The following NCOR2 variants were observed in gnomAD, a reference collection of about 807,000 sequenced individuals.
The protein encoded by NCOR2 is CTG repeat protein 26.
In NCOR2, 81 loss-of-function variants were observed where a neutral mutation model predicts 262.9. That is an observed-to-expected ratio of 0.31 (90% confidence interval 0.26 to 0.37). The LOEUF (loss-of-function observed/expected upper bound fraction) is 0.37, where lower values mean the gene tolerates loss of function less well. Ranked by LOEUF, NCOR2 falls within the 10% of genes least tolerant of loss-of-function variation. The pLI is 1.00. For synonymous variants in NCOR2, 1,659 were observed against 1,559.3 expected (o/e 1.06, Z -1.51); for missense variants, 3,385 against 3,621.4 (o/e 0.93, Z 1.68).
chr12:124,387,975 A>T (rs1162319613), intron 16 of NCOR2, among the ~76,000 whole-genome samples: 2 of 151,616 alleles, frequency 1.3e-5, no homozygotes, highest in African/African-American at 4.8e-5. Context: ...TTCCAAACTC[A>T]GTCAATAAAT....
At chr12:124,542,444 G>A (rs919609158) in intron 1 of NCOR2, 8 of 152,464 alleles carry the variant, frequency 5.2e-5, no homozygotes, top group Non-Finnish European at 8.8e-5. Context: ...AGAGATGGGC[G>A]AGGTGGGCGA....
chr12:124,429,631 A>G (rs2043800610), exon 10 of NCOR2: 4 of 1,607,446 alleles, frequency 2.5e-6, no homozygotes, highest in Non-Finnish European at 3.4e-6. Context: ...CTGAGAGGCC[A>G]TCGATGATCT....
In NCOR2 at chr12:124,443,217, G is replaced by A. The variant is rs374683359; in HGVS notation, c.816-5221C>T. Among the ~76,000 whole-genome samples, 3 of 152,324 alleles carry A rather than the reference G, an allele frequency of 2.0e-5. No individual in the cohort carries two copies. The highest frequency in any genetic ancestry group is 4.1e-4 in the South Asian group (2 of 4,830). On this transcript the variant is annotated intron_variant, in intron 7 of 46. Transcript: ENST00000405201. The surrounding 1 kb of genome is among the most constrained non-coding windows in gnomAD (Gnocchi z 4.4). ...GGTGCTGTCACTGCAGCTGGAAAAC[G>A]ACTCGGTGAGCATGAGGCCTCGGGG...
intron 19 of NCOR2, among the ~76,000 whole-genome samples, chr12:124,373,217 G>A (rs11057604): frequency 0.2 from 14,619 of 72,456 alleles, 1,796 homozygotes; most frequent in Admixed American, 0.32. Context: ...CAGGGGACCC[G>A]GGCACAGTGG....
At chr12:124,441,895 C>T (rs2044831946) in intron 7 of NCOR2, among the ~76,000 whole-genome samples, 1 of 152,218 alleles carries the variant, frequency 6.6e-6, no homozygotes, top group Admixed American at 6.5e-5. Flanking sequence ...GAGGAAACAC[C>T]TGTCAAAGAA....
At chr12:124,338,119 TA>T (rs1270989665) in intron 37 of NCOR2, among the ~76,000 whole-genome samples, 1 of 152,126 alleles carries the variant, frequency 6.6e-6, no homozygotes, top group African/African-American at 2.4e-5. Context: ...AAATAATGAT[TA>T]GGGGAGGTAT....
chr12:124,527,171 G>A (rs1335266971), intron 1 of NCOR2, among the ~76,000 whole-genome samples: 1 of 152,174 alleles, frequency 6.6e-6, no homozygotes, highest in African/African-American at 2.4e-5. Flanking sequence ...TCCCTGAACA[G>A]GCCGTGCTGA....
At chr12:124,520,323 C>T (rs543000698) in intron 1 of NCOR2, among the ~76,000 whole-genome samples, 3 of 152,322 alleles carry the variant, frequency 2.0e-5, no homozygotes, top group South Asian at 4.1e-4. Context: ...CAAGACCAGG[C>T]GGGACCATGA....
exon 40 of NCOR2, chr12:124,335,253 G>A (rs776224523): frequency 1.2e-6 from 2 of 1,606,834 alleles, no homozygotes; most frequent in Non-Finnish European, 1.7e-6. Context: ...TGGGAGGTGG[G>A]CGGCCTCCCC....
chr12:124,365,020 T>C (rs1187213002), intron 20 of NCOR2, among the ~76,000 whole-genome samples: 1 of 147,866 alleles, frequency 6.8e-6, no homozygotes, highest in African/African-American at 2.5e-5. Context: ...TGTTTGGGGG[T>C]ATGGAGGTGG....
chr12:124,491,419 C>T (rs1012161520), intron 1 of NCOR2, among the ~76,000 whole-genome samples: 3 of 151,184 alleles, frequency 2.0e-5, no homozygotes, highest in African/African-American at 7.4e-5. Context: ...GGTAAGGCCA[C>T]TTGCCCCCTG....
chr12:124,457,591 G>A lies in NCOR2; in HGVS notation c.706-429C>T, dbSNP rs886749197. On this transcript the variant is annotated intron_variant, in intron 5 of 46. Coordinates refer to ENST00000405201, the Ensembl canonical transcript of NCOR2. The surrounding 1 kb of genome is among the most constrained non-coding windows in gnomAD (Gnocchi z 4.0). ...GAGCTAGTGCAGCCAGCGAGGGAAG[G>A]AGGAGGAGGAGGAGGAGGGAGGGTG... 1.3e-5 allele frequency among the ~76,000 whole-genome samples: 2 copies of A among 151,636 alleles called. No individual in the cohort carries two copies. The highest frequency in any genetic ancestry group is 6.6e-5 in the Admixed American group (1 of 15,222).
intron 31 of NCOR2, 99 bp from the exon 34 acceptor site, chr12:124,345,050 A>C (rs1020831642): frequency 8.8e-7 from 1 of 1,142,744 alleles, no homozygotes; most frequent in Non-Finnish European, 1.2e-6. Flanking sequence ...CATCTATAAG[A>C]TGGAAGTGAC....
At chr12:124,501,052 GCGCACGCGCGCACACACA>G (rs1404928948) in intron 1 of NCOR2, among the ~76,000 whole-genome samples, 1 of 26,990 alleles carries the variant, frequency 3.7e-5, no homozygotes, top group African/African-American at 8.3e-5. Context: ...ACGAGCGCGC[GCGCACGCGCGCACACACA>G]CACACACACA....
At chr12:124,478,004 A>G (rs1195439293) in intron 3 of NCOR2, among the ~76,000 whole-genome samples, 1 of 151,952 alleles carries the variant, frequency 6.6e-6, no homozygotes, top group Non-Finnish European at 1.5e-5. Flanking sequence ...TACACCCCCT[A>G]CTCCGGCCAC....
chr12:124,473,863 C>G (rs1266768404), intron 3 of NCOR2, among the ~76,000 whole-genome samples: 2 of 152,164 alleles, frequency 1.3e-5, no homozygotes, highest in Non-Finnish European at 2.9e-5. Context: ...ATCCCTGACT[C>G]CAGGCCCAGA....
intron 7 of NCOR2, among the ~76,000 whole-genome samples, chr12:124,448,685 C>T (rs921968796): frequency 6.6e-6 from 1 of 152,198 alleles, no homozygotes; most frequent in East Asian, 1.9e-4. Flanking sequence ...GGACCAGTCG[C>T]GCAACTCTGG....
intron 1 of NCOR2, among the ~76,000 whole-genome samples, chr12:124,545,651 C>T (rs837481): frequency 0.18 from 27,239 of 152,134 alleles, 2,690 homozygotes; most frequent in Non-Finnish European, 0.22. Context: ...CCAAGTGGCC[C>T]GGCTGGGGTC....
chr12:124,340,399 C>T (rs377170496), exon 36 of NCOR2: 25 of 1,612,956 alleles, frequency 1.5e-5, no homozygotes, highest in East Asian at 4.5e-5. Context: ...CGCTCCCGCT[C>T]GGACGAGGAC....
Sources: allele counts gnomAD v4.1 joint callset (sites outside exome capture counted in the v4.1 genomes callset), GRCh38; gene constraint gnomAD v4.1.1; non-coding constraint Gnocchi (gnomAD v3.1); transcripts MANE v1.5; gene names NCBI Gene and HGNC (gene_info 2026-07-23, HGNC 2026-07-21).